Variants in USP34 observed in about 807,000 individuals in gnomAD.
USP34 encodes the protein ubiquitin carboxyl-terminal hydrolase 34.
A neutral mutation model predicts 460.3 loss-of-function variants in USP34; 70 were observed. The ratio of observed to expected loss-of-function variants is 0.15; its 90% CI spans 0.13 to 0.19. The LOEUF is 0.19. Among genes scored for constraint, USP34 ranks in the 10% least tolerant of loss-of-function variants. The pLI is 1.00. For synonymous variants in USP34, 1,647 were observed against 1,405.3 expected (o/e 1.17, Z -3.85); for missense variants, 3,985 against 4,236.2 (o/e 0.94, Z 1.65).
Position 61,331,248 on chromosome 2 carries a change from G to GT in USP34, c.2930+27dup, listed in dbSNP as rs768394019. The GT allele has an allele frequency of 7.6e-5, 119 of 1,559,008 alleles. 1 individual carries two copies. In the East Asian group the frequency reaches 2.6e-3, roughly 34 times the overall value. On this transcript the variant is annotated intron_variant, in intron 20 of 79. Coordinates refer to ENST00000398571, the MANE Select transcript of USP34 (RefSeq NM_014709.4). ...TCAAAGGAAAGACATCGACACAAATGTATTTAACCCAGTTGAGAGGTACTT... is the reference window on the plus strand; with the variant it reads ...TCAAAGGAAAGACATCGACACAAATGTTATTTAACCCAGTTGAGAGGTACTT...
chr2:61,286,528 T>C (rs886530436), intron 34 of USP34, among the ~76,000 whole-genome samples: 2 of 152,034 alleles, frequency 1.3e-5, no homozygotes, highest in Non-Finnish European at 2.9e-5. Flanking sequence ...TGGTGGCGTG[T>C]GCCTGTAATC....
Position 61,281,210 on chromosome 2 carries a change from G to A in USP34, c.5031C>T (p.Leu1677=). The change falls in exon 38 of 80, where the codon CTC becomes CTT. Residue 1677 remains leucine, a synonymous_variant. Transcript: ENST00000398571. ...CCAGCCCTGACAGGGATAACTTATA[G>A]AGACCACTGCATGATTCATGACGAA... The part of the protein sequence containing the change: ...TAVRHESCSG[L]YKLSLSGLDG... 2 of 1,614,058 alleles carry A rather than the reference G, an allele frequency of 1.2e-6. No individual in the cohort carries two copies. Among genetic ancestry groups the A allele is most frequent in the East Asian group, 2.2e-5 (1 of 44,880 alleles).
In USP34 at chr2:61,368,599, A is replaced by G. The variant is rs114735399; in HGVS notation, c.1251+1722T>C. 3.7e-3 allele frequency among the ~76,000 whole-genome samples: 565 copies of G among 152,340 alleles called. 2 individuals are homozygous for G. Among genetic ancestry groups the G allele is most frequent in the Non-Finnish European group, 6.5e-3 (441 of 68,032 alleles). On this transcript the variant is annotated intron_variant, in intron 10 of 79. Coordinates refer to ENST00000398571, the MANE Select transcript of USP34 (RefSeq NM_014709.4). ...ATTACCCAGTCAAGAAAAAATTGGT[A>G]TATCAAGTCAGAAAGAAGAGTTAGT...
At chr2:61,276,945 C>G (rs756454539) in intron 41 of USP34, among the ~76,000 whole-genome samples, 4 of 152,166 alleles carry the variant, frequency 2.6e-5, no homozygotes, top group Non-Finnish European at 5.9e-5. Flanking sequence ...GGTAACAGCT[C>G]TCCAGACCAT....
intron 34 of USP34, among the ~76,000 whole-genome samples, chr2:61,287,796 C>T (rs527986870): frequency 6.6e-6 from 1 of 152,238 alleles, no homozygotes; most frequent in South Asian, 2.1e-4. Flanking sequence ...TAGTTAAGTT[C>T]TAGGGGAGTC....
In USP34 at chr2:61,370,574, A is replaced by G; in HGVS notation, c.1082T>C (p.Ile361Thr). ...AAGCCAGTCTGCAAGTTCTTTTGCA[A>G]TGGACCTAAAGTCAAGCAATGAAAA... ...ESLVSDTETS[I>T]AKELADWLIS... Residue 361 changes from isoleucine to threonine, a missense_variant, in exon 9 of 80, where the codon ATT (isoleucine) becomes ACT (threonine). Transcript: ENST00000398571. The G allele has an allele frequency of 6.2e-7, 1 of 1,613,568 alleles. No individual in the cohort carries two copies. Among genetic ancestry groups the G allele is most frequent in the South Asian group, 1.1e-5 (1 of 90,896 alleles).
intron 43 of USP34, among the ~76,000 whole-genome samples, chr2:61,263,869 G>C (rs746944390): frequency 1.3e-5 from 2 of 152,178 alleles, no homozygotes; most frequent in South Asian, 4.2e-4. Context: ...GGTTGTTTCT[G>C]CTTGTAAATT....
At chr2:61,247,800 T>C (rs1688456370) in intron 49 of USP34, among the ~76,000 whole-genome samples, 1 of 152,216 alleles carries the variant, frequency 6.6e-6, no homozygotes, top group Non-Finnish European at 1.5e-5. Flanking sequence ...CTACAACTTA[T>C]TTTTATTTTT....
intron 1 of USP34, among the ~76,000 whole-genome samples, chr2:61,453,937 T>G (rs1200155421): frequency 6.6e-6 from 1 of 151,976 alleles, no homozygotes; most frequent in Admixed American, 6.6e-5. Context: ...CAGGGTTTCA[T>G]CATGTTCGCT....
intron 20 of USP34, among the ~76,000 whole-genome samples, chr2:61,326,687 T>G (rs1168715795): frequency 6.6e-6 from 1 of 151,982 alleles, no homozygotes; most frequent in Admixed American, 6.6e-5. Context: ...AGGCAGACTG[T>G]GGATCAACTG....
chr2:61,422,151 T>C (rs1016155086), intron 1 of USP34, among the ~76,000 whole-genome samples: 1 of 152,108 alleles, frequency 6.6e-6, no homozygotes, highest in African/African-American at 2.4e-5. Context: ...TAGGACAGAA[T>C]AAGATATAGT....
intron 42 of USP34, 136 bp from the exon 43 acceptor site, chr2:61,265,693 A>T (rs1389752667): frequency 1.3e-6 from 1 of 798,146 alleles, no homozygotes; most frequent in East Asian, 3.3e-5. Context: ...AATTTTTTAA[A>T]TAAAAAAAAA....
intron 2 of USP34, among the ~76,000 whole-genome samples, chr2:61,413,702 A>G (rs1389369350): frequency 6.9e-6 from 1 of 144,566 alleles, no homozygotes; most frequent in Non-Finnish European, 1.5e-5. Flanking sequence ...AAAGAGGCCG[A>G]GTGAGTGGCT....
At chr2:61,233,843 T>TAA (rs11302574) in intron 57 of USP34, among the ~76,000 whole-genome samples, 7 of 140,148 alleles carry the variant, frequency 5.0e-5, no homozygotes, top group South Asian at 2.2e-4. Flanking sequence ...ACTCTGGGGG[T>TAA]AAAAAAAAAA....
At chr2:61,330,468 T>G (rs1691227245) in intron 20 of USP34, among the ~76,000 whole-genome samples, 2 of 152,174 alleles carry the variant, frequency 1.3e-5, no homozygotes, top group African/African-American at 4.8e-5. Context: ...AGTAAATTTA[T>G]TTTTAGAAGT....
At chr2:61,386,843 A>G (rs1444236935) in intron 5 of USP34, among the ~76,000 whole-genome samples, 3 of 152,208 alleles carry the variant, frequency 2.0e-5, no homozygotes, top group Non-Finnish European at 4.4e-5. Context: ...TAGAGTTAAA[A>G]ATGACTTTTT....
chr2:61,245,708 G>A (rs975715642), intron 50 of USP34, among the ~76,000 whole-genome samples: 1 of 152,088 alleles, frequency 6.6e-6, no homozygotes, highest in African/African-American at 2.4e-5. Context: ...CCTGATGGGT[G>A]AAGGAGTGAA....
At chr2:61,251,761 T>C (rs1688588481) in intron 48 of USP34, among the ~76,000 whole-genome samples, 1 of 152,200 alleles carries the variant, frequency 6.6e-6, no homozygotes, top group African/African-American at 2.4e-5. Context: ...ATCCATCAGA[T>C]TACTGTATTT....
At chr2:61,454,623 C>G (rs1695378396) in intron 1 of USP34, among the ~76,000 whole-genome samples, 1 of 151,906 alleles carries the variant, frequency 6.6e-6, no homozygotes, top group Admixed American at 6.6e-5. Flanking sequence ...AACCTCTACT[C>G]ACTTCAACCT....
Sources: allele counts gnomAD v4.1 joint callset (sites outside exome capture counted in the v4.1 genomes callset), GRCh38; gene constraint gnomAD v4.1.1; transcripts MANE v1.5; gene names NCBI Gene and HGNC (gene_info 2026-07-23, HGNC 2026-07-21).